The following DOCK2 variants were observed in gnomAD, a reference collection of about 807,000 sequenced individuals.
DOCK2 encodes dedicator of cytokinesis protein 2.
Under a neutral mutation model 248.9 loss-of-function variants are expected in DOCK2, and 87 were observed. That is an observed-to-expected ratio of 0.35 (90% confidence interval 0.29 to 0.42). The LOEUF (loss-of-function observed/expected upper bound fraction) is 0.42. Among genes scored for constraint, DOCK2 ranks in the 10% least tolerant of loss-of-function variants. DOCK2 has a pLI of 1.00. For missense variants in DOCK2, 1,747 were observed against 2,300.2 expected, an observed-to-expected ratio of 0.76 and a Z score of 4.92; for synonymous variants, 805 against 821.6, an observed-to-expected ratio of 0.98 and a Z score of 0.35.
At chr5:170,050,471 C>A in intron 41 of DOCK2, 74 bp downstream of exon 41, 1 of 1,519,380 alleles carries the variant, frequency 6.6e-7, no homozygotes. Context: ...CACAAAGACC[C>A]ACCTTAGAGC....
At chr5:169,765,148 C>T (rs1193904461) in intron 25 of DOCK2, among the ~76,000 whole-genome samples, 1 of 151,634 alleles carries the variant, frequency 6.6e-6, no homozygotes, top group Non-Finnish European at 1.5e-5. Context: ...AGGCAATTAG[C>T]CTCAACTTTG....
intron 27 of DOCK2, among the ~76,000 whole-genome samples, chr5:169,973,638 C>A (rs1347749756): frequency 6.6e-6 from 1 of 152,172 alleles, no homozygotes; most frequent in African/African-American, 2.4e-5. Flanking sequence ...GGAAAAGCTA[C>A]ATCTATGAGA....
intron 9 of DOCK2, among the ~76,000 whole-genome samples, chr5:169,691,426 C>A (rs1760295157): frequency 6.6e-6 from 1 of 152,168 alleles, no homozygotes; most frequent in Non-Finnish European, 1.5e-5. Flanking sequence ...AAGAGCTAGC[C>A]AATGAGTGCC....
At chr5:169,882,942 C>A (rs912950568) in intron 27 of DOCK2, 1 of 1,551,664 alleles carries the variant, frequency 6.4e-7, no homozygotes, top group African/African-American at 1.4e-5. Flanking sequence ...GGTGGGCTGG[C>A]TGGCTGTGGG....
At chr5:169,877,812 A>G (rs1243475425) in intron 27 of DOCK2, among the ~76,000 whole-genome samples, 1 of 151,848 alleles carries the variant, frequency 6.6e-6, no homozygotes, top group Non-Finnish European at 1.5e-5. Flanking sequence ...GACAAACAAA[A>G]CCTCTTCTAT....
At chr5:169,721,711 C>G (rs961671155) in intron 22 of DOCK2, among the ~76,000 whole-genome samples, 22 of 152,186 alleles carry the variant, frequency 1.4e-4, no homozygotes, top group African/African-American at 5.3e-4. Context: ...ACATCCTGCC[C>G]AGGAACACTT....
At chr5:169,735,267 A>G (rs1014178786) in intron 22 of DOCK2, among the ~76,000 whole-genome samples, 2 of 152,070 alleles carry the variant, frequency 1.3e-5, no homozygotes, top group South Asian at 2.1e-4. Flanking sequence ...GTCCCCTTTG[A>G]CCTGACTTCC....
At chr5:169,837,605 G>T (rs2113318709) in intron 26 of DOCK2, among the ~76,000 whole-genome samples, 1 of 152,200 alleles carries the variant, frequency 6.6e-6, no homozygotes, top group Non-Finnish European at 1.5e-5. Flanking sequence ...CAGTATCAAA[G>T]ACTTTACCTG....
intron 6 of DOCK2, among the ~76,000 whole-genome samples, chr5:169,674,850 T>C (rs1759245727): frequency 6.6e-6 from 1 of 152,120 alleles, no homozygotes; most frequent in Admixed American, 6.6e-5. Flanking sequence ...CCACACACCA[T>C]CAACTAACTC....
At chr5:169,899,796 C>T (rs1328620911) in intron 27 of DOCK2, among the ~76,000 whole-genome samples, 1 of 152,148 alleles carries the variant, frequency 6.6e-6, no homozygotes, top group Non-Finnish European at 1.5e-5. Flanking sequence ...AGTGTTGTGC[C>T]TTTTGTTGAC....
chr5:169,780,337 G>A (rs1178643267), intron 25 of DOCK2, among the ~76,000 whole-genome samples: 1 of 138,242 alleles, frequency 7.2e-6, no homozygotes, highest in Non-Finnish European at 1.6e-5. Flanking sequence ...GTGTGTGTGT[G>A]TGTTGAATCG....
At chr5:169,887,405 G>A (rs1393172416) in intron 27 of DOCK2, among the ~76,000 whole-genome samples, 2 of 152,106 alleles carry the variant, frequency 1.3e-5, no homozygotes, top group African/African-American at 4.8e-5. Flanking sequence ...CACCCAGAAA[G>A]AGCCACAGTG....
chr5:169,855,059 C>T (rs984951853), intron 27 of DOCK2, among the ~76,000 whole-genome samples: 3 of 152,216 alleles, frequency 2.0e-5, no homozygotes, highest in African/African-American at 7.2e-5. Flanking sequence ...CAAAGAACTC[C>T]AGCCTTCACC....
chr5:169,692,412 A>T (rs1229520130), intron 9 of DOCK2, among the ~76,000 whole-genome samples: 1 of 152,202 alleles, frequency 6.6e-6, no homozygotes, highest in Non-Finnish European at 1.5e-5. Context: ...AGATTGGAGC[A>T]CAATTCTGTA....
intron 28 of DOCK2, among the ~76,000 whole-genome samples, 156 bp from the exon 29 acceptor site, chr5:169,985,672 T>C (rs577438847): frequency 2.3e-4 from 35 of 152,314 alleles, no homozygotes; most frequent in African/African-American, 7.2e-4. Flanking sequence ...ATTCCAGCAT[T>C]CAATCTTTAA....
In DOCK2 at chr5:169,714,217, CG is replaced by C. The variant is rs756542427; in HGVS notation, c.1843+9del. The C allele has an allele frequency of 8.4e-5, 135 of 1,603,892 alleles. No homozygotes were observed. In the African/African-American group the frequency reaches 1.7e-3, roughly 20 times the overall value. ...CACAAAGCTCACTCAGAATGGTAAT[CG>C]GGTCATCAAGAGTTGTGTCTGTGGG... On this transcript the variant is annotated splice_region_variant and intron_variant, in intron 18 of 51. Coordinates refer to ENST00000520908, the MANE Select transcript of DOCK2 (RefSeq NM_004946.3).
chr5:169,785,720 C>G (rs1342316570), intron 25 of DOCK2, among the ~76,000 whole-genome samples: 1 of 152,144 alleles, frequency 6.6e-6, no homozygotes, highest in East Asian at 1.9e-4. Flanking sequence ...CTCTGAAGAC[C>G]CATTATGGTT....
chr5:169,883,314 T>C, intron 27 of DOCK2: 2 of 1,551,588 alleles, frequency 1.3e-6, no homozygotes, highest in African/African-American at 1.4e-5. Flanking sequence ...TGGCTTTCTC[T>C]AAGGACCTCC....
chr5:169,692,468 A>G (rs949513034), intron 9 of DOCK2, among the ~76,000 whole-genome samples: 3 of 150,288 alleles, frequency 2.0e-5, no homozygotes, highest in African/African-American at 7.4e-5. Flanking sequence ...TAATGTGAAT[A>G]TAGCATTTGG....
Sources: allele counts gnomAD v4.1 joint callset (sites outside exome capture counted in the v4.1 genomes callset), GRCh38; gene constraint gnomAD v4.1.1; transcripts MANE v1.5; gene names NCBI Gene and HGNC (gene_info 2026-07-23, HGNC 2026-07-21).